Variants in TPGS1 observed in about 807,000 individuals in gnomAD.
TPGS1 encodes the protein gene trap ROSA b-geo 22.
A neutral mutation model predicts 11.9 loss-of-function variants in TPGS1; 18 were observed. The ratio of observed to expected loss-of-function variants is 1.51; its 90% CI spans 1.04 to 2.24. The LOEUF is 2.24. Ranked by LOEUF, TPGS1 falls within the 30% of genes most tolerant of loss-of-function variation. TPGS1 has a pLI of 0.00. For synonymous variants in TPGS1, 247 were observed against 218.2 expected (o/e 1.13, Z -1.16); for missense variants, 500 against 443.0 (o/e 1.13, Z -1.16).
chr19:513,178 C>T (rs966119614), intron 1 of TPGS1, among the ~76,000 whole-genome samples: 14 of 152,344 alleles, frequency 9.2e-5, no homozygotes, highest in African/African-American at 3.4e-4. Flanking sequence ...CCCGGTGCGG[C>T]TCCTGCTGGG....
At chr19:514,146 A>AGGCT in intron 1 of TPGS1, among the ~76,000 whole-genome samples, 1 of 150,210 alleles carries the variant, frequency 6.7e-6, no homozygotes, top group South Asian at 2.1e-4. Context: ...TGTATTACTG[A>AGGCT]GCACCCACTG....
chr19:507,684 C>A lies in TPGS1; in HGVS notation c.178C>A (p.Pro60Thr). ...AALLKVLEAR[P>T]EEPIAFLAHY... ...CCTGCTGAAGGTGCTGGAGGCGCGG[C>A]CCGAGGAGCCGATCGCCTTCCTGGC... Residue 60 changes from proline (P) to threonine (T), a missense_variant, in exon 1 of 2, where the codon CCC (proline) becomes ACC (threonine). Pro to Thr is a conservative substitution (Grantham distance 38, BLOSUM62 -1). Transcript: ENST00000359315. 7.3e-7 allele frequency: 1 copy of A among 1,379,130 alleles called. No individual in the cohort carries two copies. The highest frequency in any genetic ancestry group is 9.5e-7 in the Non-Finnish European group (1 of 1,056,620). 85.4% of individuals were successfully genotyped at this position (1,379,130 alleles called of 1,614,324 possible).
intron 1 of TPGS1, among the ~76,000 whole-genome samples, chr19:512,414 C>T (rs1246610425): frequency 1.7e-4 from 26 of 152,234 alleles, no homozygotes; most frequent in South Asian, 2.1e-4. Context: ...CCTCCTGCCT[C>T]GGCCTCCCAA....
intron 1 of TPGS1, among the ~76,000 whole-genome samples, chr19:511,312 C>T (rs1461116363): frequency 3.3e-5 from 5 of 152,256 alleles, no homozygotes; most frequent in East Asian, 1.9e-4. Flanking sequence ...GGCGGGTATG[C>T]GGCCGCCTTG....
chr19:510,303 G>A (rs1978752959), intron 1 of TPGS1: 2 of 152,028 alleles, frequency 1.3e-5, no homozygotes, highest in African/African-American at 4.8e-5. Context: ...AACCCAGGAG[G>A]CGGAGCTTGC....
At position 518,867 on chromosome 19, in the gene TPGS1, C is replaced by T. The variant is rs1345275082; in HGVS notation, c.339-22C>T. The T allele has an allele frequency of 2.7e-6, 4 of 1,489,590 alleles. No individual in the cohort carries two copies. The Admixed American group carries it at 6.3e-5, about 24-fold the overall frequency. The allele number at this position is 1,489,590 out of a possible 1,614,324, so 92.3% of individuals were successfully genotyped here. ...GGTGGGCGCGCGGTCTCTGCCGGCC[C>T]CCAACGTCCCCGTCTCCGCAGGGCC... On this transcript the variant is annotated intron_variant, in intron 1 of 1. Coordinates refer to ENST00000359315, the MANE Select transcript of TPGS1 (RefSeq NM_033513.3).
At chr19:513,926 G>A (rs571036896) in intron 1 of TPGS1, among the ~76,000 whole-genome samples, 45 of 150,282 alleles carry the variant, frequency 3.0e-4, no homozygotes, top group African/African-American at 8.6e-4. Flanking sequence ...CTGTGCACTA[G>A]TCCTGCATTA....
Position 519,255 on chromosome 19 carries a change from C to A in TPGS1, c.705C>A (p.Ala235=), listed in dbSNP as rs1206297194. The change falls in exon 2 of 2, where the codon GCC becomes GCA. Residue 235 remains alanine (A), a synonymous_variant. Transcript: ENST00000359315. ...LEGALQASDA[A]APARFLEAGS... is the part of the protein sequence containing the mutation. ...GCGCGCTGCAGGCCAGCGACGCCGC[C>A]GCGCCCGCGCGCTTCCTGGAGGCCG... 5.8e-6 allele frequency: 7 copies of A among 1,204,752 alleles called. No individual in the cohort carries two copies. Among genetic ancestry groups the A allele is most frequent in the African/African-American group, 1.6e-5 (1 of 62,586 alleles). 74.6% of individuals were successfully genotyped at this position (1,204,752 alleles called of 1,614,324 possible).
intron 1 of TPGS1, among the ~76,000 whole-genome samples, chr19:510,858 C>CG (rs1978774442): frequency 6.6e-6 from 1 of 152,216 alleles, no homozygotes; most frequent in African/African-American, 2.4e-5. Context: ...CTCTGGGGGC[C>CG]GTCCTGGGTA....
In TPGS1 at chr19:507,785, G is replaced by A; in HGVS notation, c.279G>A (p.Leu93=). ...GGGAGCCCCCGGGCCAGCTCCTGCT[G>A]CAGCAGCAGCGCCTGGGCCGCGCGC... ...GAGEPPGQLL[L]QQQRLGRALW... The change falls in exon 1 of 2, where the codon CTG becomes CTA. Residue 93 remains leucine, a synonymous_variant. Transcript: ENST00000359315. 7.2e-7 allele frequency: 1 copy of A among 1,387,348 alleles called. No homozygotes were observed. The highest frequency in any genetic ancestry group is 9.3e-7 in the Non-Finnish European group (1 of 1,073,586). 85.9% of individuals were successfully genotyped at this position (1,387,348 alleles called of 1,614,324 possible).
chr19:507,641 G>T lies in TPGS1; in HGVS notation c.135G>T (p.Thr45=). ...EEDFLRQVGV[T]EMLRAALLKV... ...ACTTCCTGCGGCAGGTCGGCGTGAC[G>T]GAAATGCTACGTGCGGCCCTGCTGA... Residue 45 remains threonine (T), a synonymous_variant, in exon 1 of 2, where the codon ACG becomes ACT. Transcript: ENST00000359315. 7.2e-7 allele frequency: 1 copy of T among 1,392,238 alleles called. No homozygotes were observed. Among genetic ancestry groups the T allele is most frequent in the South Asian group, 1.5e-5 (1 of 65,680 alleles). The allele number at this position is 1,392,238 out of a possible 1,614,324, so 86.2% of individuals were successfully genotyped here.
At chr19:508,640 CAA>C (rs1978698914) in intron 1 of TPGS1, 2 of 152,264 alleles carry the variant, frequency 1.3e-5, no homozygotes, top group Admixed American at 1.3e-4. Context: ...GGGGTGCGCC[CAA>C]GAGAACCCAG....
chr19:518,097 C>G (rs1267562795), intron 1 of TPGS1, among the ~76,000 whole-genome samples: 12 of 55,058 alleles, frequency 2.2e-4, no homozygotes, highest in Non-Finnish European at 3.7e-4. Flanking sequence ...GAGGAGGGAG[C>G]CCCGGGCTGG....
chr19:515,988 C>T (rs780075408), intron 1 of TPGS1, among the ~76,000 whole-genome samples: 2 of 149,560 alleles, frequency 1.3e-5, no homozygotes, highest in Non-Finnish European at 3.0e-5. Flanking sequence ...GCCGAGATCC[C>T]GCCACTGCAC....
In TPGS1 at chr19:519,647, G is replaced by A. The variant is rs2145836806; in HGVS notation, c.*224G>A. 2 of 287,410 alleles carry A rather than the reference G, an allele frequency of 7.0e-6. No individual in the cohort carries two copies. The highest frequency in any genetic ancestry group is 6.3e-5 in the East Asian group (1 of 15,756). The allele number at this position is 287,410 out of a possible 1,614,324, so 17.8% of individuals were successfully genotyped here. ...GCCCCACGCTAATAAAATGTGTTGC[G>A]AGGCTGACGCTGGTGTGTATGCGAG... On this transcript the variant is annotated 3_prime_UTR_variant, in exon 2 of 2. Coordinates refer to ENST00000359315, the MANE Select transcript of TPGS1 (RefSeq NM_033513.3).
intron 1 of TPGS1, 40 bp downstream of exon 1, chr19:507,884 G>A (rs942258356): frequency 4.7e-6 from 6 of 1,286,558 alleles, no homozygotes; most frequent in African/African-American, 3.1e-5. Flanking sequence ...GGCAGCGATG[G>A]ACTTCAACTC....
rs183969039 is a variant in TPGS1, at chr19:507,709, C to T, written c.203C>T (p.Ala68Val). 135 of 1,398,182 alleles carry T rather than the reference C, an allele frequency of 9.7e-5. No homozygotes were observed. In the African/African-American group the frequency reaches 1.5e-3, roughly 15 times the overall value. 86.6% of individuals were successfully genotyped at this position (1,398,182 alleles called of 1,614,324 possible). The change falls in exon 1 of 2, where the codon GCT (alanine) becomes GTT (valine). Residue 68 changes from alanine to valine, a missense_variant. By Grantham distance (64) the Ala-to-Val change is moderately conservative (BLOSUM62 0). Coordinates refer to ENST00000359315, the MANE Select transcript of TPGS1 (RefSeq NM_033513.3). ...ARPEEPIAFL[A>V]HYFENMGLRS... is the part of the protein sequence containing the mutation. Reference sequence around the variant, plus strand: ...CCCGAGGAGCCGATCGCCTTCCTGGCTCACTACTTCGAGAACATGGGCCTG... The same window carrying T: ...CCCGAGGAGCCGATCGCCTTCCTGGTTCACTACTTCGAGAACATGGGCCTG...
rs150006823 is a variant in TPGS1 at position 514,859 on chromosome 19, G to A, written c.339-4030G>A. ...AGCAGCCCACCCAGGGTCCTGCAGCGGCCCCCACGCTGGCCACGGTGCTCC... is the reference window on the plus strand; with the variant it reads ...AGCAGCCCACCCAGGGTCCTGCAGCAGCCCCCACGCTGGCCACGGTGCTCC... On this transcript the variant is annotated intron_variant, in intron 1 of 1. Transcript: ENST00000359315. 1.0e-3 allele frequency among the ~76,000 whole-genome samples: 156 copies of A among 152,314 alleles called. 1 individual carries two copies. The highest frequency in any genetic ancestry group is 3.2e-3 in the African/African-American group (135 of 41,556).
In TPGS1 at chr19:519,504, G is replaced by A; in HGVS notation, c.*81G>A. 8.9e-7 allele frequency: 1 copy of A among 1,129,682 alleles called. No individual in the cohort carries two copies. The highest frequency in any genetic ancestry group is 1.1e-6 in the Non-Finnish European group (1 of 914,136). 70.0% of individuals were successfully genotyped at this position (1,129,682 alleles called of 1,614,324 possible). A position where few individuals can be genotyped will look rare whatever the true frequency, so the allele number is the denominator to read the frequency against. Reference sequence around the variant, plus strand: ...CGCGCGGAGCCTTCCCTTCGCCCTGGTGAGGCCCTGCCATAACCAGGCGCC... The same window carrying A: ...CGCGCGGAGCCTTCCCTTCGCCCTGATGAGGCCCTGCCATAACCAGGCGCC... On this transcript the variant is annotated 3_prime_UTR_variant, in exon 2 of 2. Coordinates refer to ENST00000359315, the MANE Select transcript of TPGS1 (RefSeq NM_033513.3).
Sources: allele counts gnomAD v4.1 joint callset (sites outside exome capture counted in the v4.1 genomes callset), GRCh38; gene constraint gnomAD v4.1.1; transcripts MANE v1.5; gene names NCBI Gene and HGNC (gene_info 2026-07-23, HGNC 2026-07-21).